The following ATXN2 variants were observed in gnomAD, a reference collection of about 807,000 sequenced individuals.
ATXN2 encodes the protein ataxin-2.
A neutral mutation model predicts 138.6 loss-of-function variants in ATXN2; 37 were observed. That is an observed-to-expected ratio of 0.27 (90% CI 0.21 to 0.35). The LOEUF is 0.35. Among genes scored for constraint, ATXN2 ranks in the 10% least tolerant of loss-of-function variants. The pLI is 1.00. For synonymous variants in ATXN2, 549 were observed against 543.7 expected, an observed-to-expected ratio of 1.01 and a Z score of -0.13; for missense variants, 1,216 against 1,480.3, an observed-to-expected ratio of 0.82 and a Z score of 2.93.
chr12:111,565,646 C>T (rs1486269098), intron 1 of ATXN2, among the ~76,000 whole-genome samples: 1 of 152,116 alleles, frequency 6.6e-6, no homozygotes, highest in African/African-American at 2.4e-5. Flanking sequence ...CAGCAGTCAG[C>T]TTGTCTCTCT....
intron 1 of ATXN2, among the ~76,000 whole-genome samples, chr12:111,585,602 C>T (rs562702008): frequency 5.7e-4 from 86 of 151,636 alleles, no homozygotes; most frequent in African/African-American, 2.0e-3. Context: ...GTCAGGAGTT[C>T]GAGACCAGCC....
At chr12:111,573,663 T>C (rs544670121) in intron 1 of ATXN2, among the ~76,000 whole-genome samples, 1 of 152,292 alleles carries the variant, frequency 6.6e-6, no homozygotes, top group South Asian at 2.1e-4. Flanking sequence ...AATCCATCAC[T>C]TCCTCATCTG....
intron 18 of ATXN2, among the ~76,000 whole-genome samples, chr12:111,476,688 G>C (rs542825899): frequency 4.5e-4 from 69 of 152,248 alleles, no homozygotes; most frequent in African/African-American, 1.5e-3. Context: ...ATTTAAGAAA[G>C]CAGGCACAAA....
At chr12:111,476,020 C>T (rs987458640) in intron 18 of ATXN2, among the ~76,000 whole-genome samples, 1 of 152,200 alleles carries the variant, frequency 6.6e-6, no homozygotes, top group Non-Finnish European at 1.5e-5. Flanking sequence ...GGTACAATCA[C>T]AGCTCACTGC....
chr12:111,513,016 TAG>T (rs1158253920), intron 11 of ATXN2: 1 of 246,600 alleles, frequency 4.1e-6, no homozygotes, highest in Non-Finnish European at 7.7e-6. Flanking sequence ...TGCCTCATAT[TAG>T]AGAGGTACTT....
In ATXN2 at chr12:111,598,204, C is replaced by T; in HGVS notation, c.251+580G>A. The T allele has an allele frequency of 9.5e-7, 1 of 1,053,112 alleles. No individual in the cohort carries two copies. Among genetic ancestry groups the T allele is most frequent in the East Asian group, 8.1e-5 (1 of 12,276 alleles). 65.2% of individuals were successfully genotyped at this position (1,053,112 alleles called of 1,614,324 possible). A position where few individuals can be genotyped will look rare whatever the true frequency, so the allele number is the denominator to read the frequency against. On this transcript the variant is annotated intron_variant, in intron 1 of 24. Coordinates refer to ENST00000673436, the MANE Select transcript of ATXN2 (RefSeq NM_001372574.1). The surrounding 1 kb of genome is among the most constrained non-coding windows in gnomAD (Gnocchi z 4.5). ...TCTCCACCCCGTCCTCCGATCTTTCCCAGGACTCGGAGGGGGCGGGGAGAG... is the reference window on the plus strand; with the variant it reads ...TCTCCACCCCGTCCTCCGATCTTTCTCAGGACTCGGAGGGGGCGGGGAGAG...
intron 5 of ATXN2, among the ~76,000 whole-genome samples, chr12:111,545,429 C>T (rs1881751895): frequency 6.6e-6 from 1 of 151,452 alleles, no homozygotes; most frequent in African/African-American, 2.4e-5. Context: ...AACCCCATCT[C>T]TACTAAAAAT....
chr12:111,563,610 G>T (rs556688262), intron 1 of ATXN2, among the ~76,000 whole-genome samples: 1 of 152,242 alleles, frequency 6.6e-6, no homozygotes, highest in African/African-American at 2.4e-5. Flanking sequence ...CAGAGAAAAT[G>T]TTAAGGTGAA....
rs114203502 is a variant in ATXN2, at chr12:111,484,063, C to T, written c.2524+1202G>A. On this transcript the variant is annotated intron_variant, in intron 18 of 24. Coordinates refer to ENST00000673436, the MANE Select transcript of ATXN2 (RefSeq NM_001372574.1). The stretch of plus-strand genomic sequence containing the variant: ...AGCCTCTCAAAGTGCTGGAATTACA[C>T]GTGAGCCACCAAGCCTAGCCGAAAC... 7.2e-3 allele frequency among the ~76,000 whole-genome samples: 1,089 copies of T among 152,046 alleles called. 12 individuals carry two copies. Among genetic ancestry groups the T allele is most frequent in the African/African-American group, 0.025 (1,049 of 41,482 alleles).
Position 111,555,899 on chromosome 12 carries a change from C to G in ATXN2, c.272G>C (p.Gly91Ala). The change falls in exon 2 of 25, where the codon GGA becomes GCA. Residue 91 changes from glycine to alanine, a missense_variant. Physicochemically the swap from Gly to Ala is moderately conservative, Grantham distance 60 (BLOSUM62 0). This residue lies in a region of ATXN2 where 401 missense variants were observed against 528.1 expected (regional missense o/e 0.76). Coordinates refer to ENST00000673436, the MANE Select transcript of ATXN2 (RefSeq NM_001372574.1). Reference sequence around the variant, plus strand: ...GTTACTCACCGTAGACTGAGGCAGTCCTTTGTTACTGTTTCGACCTCTGAA... The same window carrying G: ...GTTACTCACCGTAGACTGAGGCAGTGCTTTGTTACTGTTTCGACCTCTGAA... ...GLGRGRNSNK[G>A]LPQSTISFDG... The G allele has an allele frequency of 6.2e-7, 1 of 1,603,086 alleles. No individual in the cohort carries two copies. Among genetic ancestry groups the G allele is most frequent in the Non-Finnish European group, 8.5e-7 (1 of 1,175,530 alleles).
chr12:111,547,454 G>A (rs573459802), intron 5 of ATXN2, among the ~76,000 whole-genome samples: 10 of 151,672 alleles, frequency 6.6e-5, no homozygotes, highest in East Asian at 2.0e-4. Context: ...GGCTGGGCGC[G>A]GTGGCTCACG....
intron 1 of ATXN2, among the ~76,000 whole-genome samples, chr12:111,595,418 C>T (rs995908429): frequency 1.3e-5 from 2 of 149,906 alleles, no homozygotes; most frequent in African/African-American, 4.9e-5. Context: ...GAGGCGGGCG[C>T]ATCACCTGAG....
At chr12:111,454,823 G>T (rs1286335918) in intron 23 of ATXN2, 3 of 509,504 alleles carry the variant, frequency 5.9e-6, no homozygotes, top group African/African-American at 3.8e-5. Flanking sequence ...TGACTTACAT[G>T]TAAGTTCACA....
At position 111,509,541 on chromosome 12, in the gene ATXN2, A is replaced by C. The variant is rs1002001038; in HGVS notation, c.1935+8T>G. 1 of 1,393,898 alleles carries C rather than the reference A, an allele frequency of 7.2e-7. No homozygotes were observed. Among genetic ancestry groups the C allele is most frequent in the African/African-American group, 1.4e-5 (1 of 69,550 alleles). 86.3% of individuals were successfully genotyped at this position (1,393,898 alleles called of 1,614,324 possible). A position where few individuals can be genotyped will look rare whatever the true frequency, so the allele number is the denominator to read the frequency against. ...AAACTCAAATTCATCAGTTAGTACA[A>C]TACTTACCCTAAAATCATTCTTAAA... On this transcript the variant is annotated splice_region_variant and intron_variant, in intron 14 of 24. Transcript: ENST00000673436.
intron 1 of ATXN2, among the ~76,000 whole-genome samples, chr12:111,597,106 A>G (rs369228757): frequency 7.6e-6 from 1 of 131,366 alleles, no homozygotes; most frequent in African/African-American, 2.9e-5. Context: ...CTTCATCTGA[A>G]CTAGTTTGGC....
At chr12:111,549,763 G>GT (rs1882022992) in intron 5 of ATXN2, among the ~76,000 whole-genome samples, 1 of 152,012 alleles carries the variant, frequency 6.6e-6, no homozygotes. Flanking sequence ...ACCACTGTAA[G>GT]TTTTGAAATA....
At chr12:111,465,767 C>CAAAAAAA (rs61456193) in intron 20 of ATXN2, among the ~76,000 whole-genome samples, 3 of 36,266 alleles carry the variant, frequency 8.3e-5, no homozygotes, top group East Asian at 3.8e-4. Flanking sequence ...GAGACTACCT[C>CAAAAAAA]AAAAAAAAAA....
In ATXN2 at chr12:111,516,405, GA is replaced by G. The variant is rs1336563045; in HGVS notation, c.1166-43del. On this transcript the variant is annotated intron_variant, in intron 9 of 24. Transcript: ENST00000673436. This position sits in a 1 kb window ranked among gnomAD's most constrained non-coding sequence, Gnocchi z 5.0. ...TATGAAGGAAAGTATAAAAACTAAA[GA>G]AAAAAATGAGGGAAAAAAGTAAACA... is the stretch of plus-strand genomic sequence containing the variant. The G allele has an allele frequency of 8.1e-6, 12 of 1,475,336 alleles. No homozygotes were observed. Among genetic ancestry groups the G allele is most frequent in the East Asian group, 2.6e-5 (1 of 38,410 alleles). 91.4% of individuals were successfully genotyped at this position (1,475,336 alleles called of 1,614,324 possible).
chr12:111,460,580 G>GT lies in ATXN2; in HGVS notation c.2897-3222dup, dbSNP rs773726978. On this transcript the variant is annotated intron_variant, in intron 21 of 24. Transcript: ENST00000673436. ...ACAGTACGGAATCTCAGAGGTTTTT[G>GT]TTTTTTTTTTGTAACTTTATTTATT... Among the ~76,000 whole-genome samples, 290 of 145,692 alleles carry GT rather than the reference G, an allele frequency of 2.0e-3. 1 individual carries two copies. Among genetic ancestry groups the GT allele is most frequent in the Middle Eastern group, 0.011 (3 of 282 alleles).
Sources: allele counts gnomAD v4.1 joint callset (sites outside exome capture counted in the v4.1 genomes callset), GRCh38; gene constraint gnomAD v4.1.1; regional missense constraint gnomAD v4.1.1; non-coding constraint Gnocchi (gnomAD v3.1); transcripts MANE v1.5; gene names NCBI Gene and HGNC (gene_info 2026-07-23, HGNC 2026-07-21).